The following ABCA5 variants were observed in gnomAD, a reference collection of about 807,000 sequenced individuals.
ABCA5 encodes the protein ATP binding cassette subfamily A member 5.
A neutral mutation model predicts 206.0 loss-of-function variants in ABCA5; 163 were observed. The observed-to-expected ratio is 0.79, with a 90% CI of 0.70 to 0.90. ABCA5 has a LOEUF of 0.90. Among genes scored for constraint, ABCA5 ranks in the 40% least tolerant of loss-of-function variants. ABCA5 has a pLI of 0.00. For missense variants in ABCA5, 1,859 were observed against 1,912.9 expected, an observed-to-expected ratio of 0.97 and a Z score of 0.53; for synonymous variants, 609 against 613.8, an observed-to-expected ratio of 0.99 and a Z score of 0.11.
chr17:69,249,120 T>C (rs922389573), intron 37 of ABCA5: 1 of 152,188 alleles, frequency 6.6e-6, no homozygotes, highest in African/African-American at 2.4e-5. Flanking sequence ...AACCCATTAA[T>C]CCATAGCTGC....
At chr17:69,318,747 C>T (rs2075838646) in intron 1 of ABCA5, 2 of 642,624 alleles carry the variant, frequency 3.1e-6, no homozygotes, top group East Asian at 6.2e-5. Flanking sequence ...GCAAAGCTTA[C>T]ACTCCCGAGT....
intron 5 of ABCA5, among the ~76,000 whole-genome samples, chr17:69,307,209 ATT>A (rs1209768979): frequency 6.7e-6 from 1 of 148,454 alleles, no homozygotes; most frequent in Non-Finnish European, 1.5e-5. Context: ...TGATTAAATA[ATT>A]TGTCAAATAA....
rs1411801979 is a variant in ABCA5 at position 69,313,208 on chromosome 17, A to C, written c.191T>G (p.Ile64Arg). Residue 64 changes from isoleucine (I) to arginine (R), a missense_variant, in exon 3 of 39, where the codon ATA becomes AGA. Ile to Arg is a moderately conservative substitution (Grantham distance 97). Coordinates refer to ENST00000392676, the MANE Select transcript of ABCA5 (RefSeq NM_172232.4). ...PNKKYEEVPN[I>R]ELNPMDKFTL... ...AAACTTGTCCATAGGATTGAGTTCT[A>C]TATTAGGCACTTCTTCATATTTCTT... 3 of 1,566,408 alleles carry C rather than the reference A, an allele frequency of 1.9e-6. No individual in the cohort carries two copies. Among genetic ancestry groups the C allele is most frequent in the African/African-American group, 1.4e-5 (1 of 74,002 alleles).
intron 1 of ABCA5, chr17:69,316,898 A>AAC (rs1455064649): frequency 2.0e-5 from 3 of 152,232 alleles, no homozygotes; most frequent in Admixed American, 6.5e-5. Flanking sequence ...TGCTGAGAAA[A>AAC]ACAGTTTTAC....
chr17:69,268,026 G>A lies in ABCA5; in HGVS notation c.3061C>T (p.Leu1021=), dbSNP rs759751579. Residue 1021 remains leucine, a synonymous_variant, in exon 23 of 39, where the codon CTG becomes TTG. Transcript: ENST00000392676. ...CCAAGCAAAGCTGCTTGAAAATACAGCTCAATTTTAAAAACTATATCAGTA... is the reference window on the plus strand; with the variant it reads ...CCAAGCAAAGCTGCTTGAAAATACAACTCAATTTTAAAAACTATATCAGTA... The part of the protein sequence containing the change: ...EITDIVFKIE[L]YFQAALLGII... 1.9e-6 allele frequency: 3 copies of A among 1,604,706 alleles called. No individual in the cohort carries two copies. The highest frequency in any genetic ancestry group is 2.6e-6 in the Non-Finnish European group (3 of 1,172,838).
intron 9 of ABCA5, among the ~76,000 whole-genome samples, chr17:69,298,543 C>T (rs889075970): frequency 2.4e-4 from 36 of 152,206 alleles, no homozygotes; most frequent in South Asian, 6.2e-4. Context: ...TGGCATTCCT[C>T]TGGGAACTGT....
intron 1 of ABCA5, among the ~76,000 whole-genome samples, chr17:69,320,765 T>C (rs553695611): frequency 8.1e-4 from 123 of 152,322 alleles, no homozygotes; most frequent in African/African-American, 2.9e-3. Flanking sequence ...TCCTCCAACC[T>C]GCCAGTCCAC....
At chr17:69,254,632 T>C in intron 31 of ABCA5, 142 bp from the exon 32 acceptor site, 1 of 537,782 alleles carries the variant, frequency 1.9e-6, no homozygotes, top group Non-Finnish European at 3.1e-6. Context: ...TTATTATTAT[T>C]ATCACTAAGT....
intron 11 of ABCA5, among the ~76,000 whole-genome samples, chr17:69,294,124 A>T (rs1305028366): frequency 6.6e-6 from 1 of 152,186 alleles, no homozygotes; most frequent in Non-Finnish European, 1.5e-5. Context: ...TTATTCAAAT[A>T]ATTGAGTATT....
chr17:69,247,880 T>C (rs986573472), intron 38 of ABCA5, among the ~76,000 whole-genome samples: 6 of 152,078 alleles, frequency 3.9e-5, no homozygotes, highest in African/African-American at 1.4e-4. Context: ...ACTTAAACAA[T>C]GTAATTTCAA....
At chr17:69,283,833 TA>T in intron 18 of ABCA5, 119 bp downstream of exon 18, 1 of 1,051,660 alleles carries the variant, frequency 9.5e-7, no homozygotes, top group Non-Finnish European at 1.3e-6. Flanking sequence ...TCTCATTACT[TA>T]TTTACTTATT....
chr17:69,280,526 A>G (rs920328907), intron 18 of ABCA5, among the ~76,000 whole-genome samples: 6 of 151,286 alleles, frequency 4.0e-5, no homozygotes, highest in Admixed American at 4.0e-4. Flanking sequence ...CAGCCATCCC[A>G]TTACTGGGTA....
At position 69,256,158 on chromosome 17, in the gene ABCA5, T is replaced by C. The variant is rs1567751283; in HGVS notation, c.3857A>G (p.Glu1286Gly). Residue 1286 changes from glutamate (E) to glycine (G), a missense_variant and splice_region_variant, in exon 29 of 39, where the codon GAG becomes GGG. Physicochemically the swap from Glu to Gly is moderately conservative, Grantham distance 98 (BLOSUM62 -2). Transcript: ENST00000392676. The part of the protein sequence containing the change: ...KELMGCQCCE[E>G]KPSIMVSNLH... ...ACTTAGCCATAAAGAATAAATTACC[T>C]CCTCACAACACTGGCAACCCATCAG... 1 of 1,587,462 alleles carries C rather than the reference T, an allele frequency of 6.3e-7. No homozygotes were observed. The highest frequency in any genetic ancestry group is 1.4e-5 in the African/African-American group (1 of 73,340).
At chr17:69,294,768 G>A (rs1468329151) in intron 10 of ABCA5, 55 bp from the exon 11 acceptor site, 67 of 1,183,148 alleles carry the variant, frequency 5.7e-5, no homozygotes, top group Non-Finnish European at 7.6e-5. Context: ...AAGTATGTGT[G>A]TTTATTTACC....
At position 69,302,794 on chromosome 17, in the gene ABCA5, A is replaced by G. The variant is rs1356238116; in HGVS notation, c.1043T>C (p.Ile348Thr). 3 of 1,601,304 alleles carry G rather than the reference A, an allele frequency of 1.9e-6. No individual in the cohort carries two copies. The highest frequency in any genetic ancestry group is 2.5e-6 in the Non-Finnish European group (3 of 1,176,772). The change falls in exon 8 of 39, where the codon ATA becomes ACA. Residue 348 changes from isoleucine (I) to threonine (T), a missense_variant. Transcript: ENST00000392676. ...FGFIGLMIILIESFPKSLVWL... is the reference protein window; with the variant it reads ...FGFIGLMIILTESFPKSLVWL... The stretch of plus-strand genomic sequence containing the variant: ...CACTAACGATTTGGGAAAACTTTCT[A>G]TGAGGATTATCATAAGGCCAATAAA...
At chr17:69,281,430 A>G (rs929899584) in intron 18 of ABCA5, among the ~76,000 whole-genome samples, 3 of 152,168 alleles carry the variant, frequency 2.0e-5, no homozygotes, top group Non-Finnish European at 4.4e-5. Flanking sequence ...CTTTCAATAT[A>G]AAAGTTTTAT....
intron 1 of ABCA5, among the ~76,000 whole-genome samples, chr17:69,321,737 G>A (rs1201490856): frequency 6.6e-6 from 1 of 151,802 alleles, no homozygotes; most frequent in Non-Finnish European, 1.5e-5. Context: ...AAAAAACAGT[G>A]GCACAAAGAG....
chr17:69,280,897 G>A (rs898424980), intron 18 of ABCA5, among the ~76,000 whole-genome samples: 14 of 152,098 alleles, frequency 9.2e-5, no homozygotes, highest in African/African-American at 2.7e-4. Flanking sequence ...TTGGGGGAGC[G>A]GGGAGGGATA....
At chr17:69,250,653 A>G (rs375287029) in intron 35 of ABCA5, 32 bp from the exon 36 acceptor site, 20 of 1,479,238 alleles carry the variant, frequency 1.4e-5, no homozygotes, top group Non-Finnish European at 1.8e-5. Flanking sequence ...AAGCTCAGAT[A>G]TAAAATGACA....
Sources: allele counts gnomAD v4.1 joint callset (sites outside exome capture counted in the v4.1 genomes callset), GRCh38; gene constraint gnomAD v4.1.1; transcripts MANE v1.5; gene names NCBI Gene and HGNC (gene_info 2026-07-23, HGNC 2026-07-21).